KLHL2: variants seen among roughly 807,000 people sequenced by gnomAD.
The protein encoded by KLHL2 is kelch-like protein 2.
Under a neutral mutation model 75.8 loss-of-function variants are expected in KLHL2, and 15 were observed. That is an observed-to-expected ratio of 0.20 (90% confidence interval 0.13 to 0.30). The LOEUF (loss-of-function observed/expected upper bound fraction) is 0.30, where lower values mean the gene tolerates loss of function less well. Ranked by LOEUF, KLHL2 falls within the 10% of genes least tolerant of loss-of-function variation. The pLI is 1.00. For synonymous variants in KLHL2, 214 were observed against 251.9 expected (o/e 0.85, Z 1.42); for missense variants, 381 against 741.0 (o/e 0.51, Z 5.64).
At position 165,322,127 on chromosome 4, in the gene KLHL2, C is replaced by T; in HGVS notation, c.*67C>T. The stretch of plus-strand genomic sequence containing the variant: ...CCTTCAACAAGTATTTGTGAAGTGA[C>T]TGAGAATCTAGCACTTCTCCACTTG... On this transcript the variant is annotated 3_prime_UTR_variant, in exon 15 of 15. Coordinates refer to ENST00000226725, the MANE Select transcript of KLHL2 (RefSeq NM_007246.4). 7 of 1,396,124 alleles carry T rather than the reference C, an allele frequency of 5.0e-6. No individual in the cohort carries two copies. Among genetic ancestry groups the T allele is most frequent in the Non-Finnish European group, 7.1e-6 (7 of 982,010 alleles). 86.5% of individuals were successfully genotyped at this position (1,396,124 alleles called of 1,614,324 possible). A position where few individuals can be genotyped will look rare whatever the true frequency, so the allele number is the denominator to read the frequency against.
intron 4 of KLHL2, among the ~76,000 whole-genome samples, chr4:165,259,635 G>C (rs962917529): frequency 5.9e-5 from 9 of 152,202 alleles, no homozygotes; most frequent in African/African-American, 1.9e-4. Flanking sequence ...AGTGCCTGAT[G>C]TAGTAATTAC....
chr4:165,258,211 C>G (rs1046740824), intron 4 of KLHL2, among the ~76,000 whole-genome samples: 2 of 152,082 alleles, frequency 1.3e-5, no homozygotes, highest in Non-Finnish European at 2.9e-5. Context: ...CTCTTAGATT[C>G]TTAGAAAATA....
chr4:165,250,073 G>A lies in KLHL2; in HGVS notation c.381+11174G>A, dbSNP rs573994620. Among the ~76,000 whole-genome samples, 130 of 151,488 alleles carry A rather than the reference G, an allele frequency of 8.6e-4. No individual in the cohort carries two copies. The Middle Eastern group carries it at 0.01, about 12-fold the overall frequency. ...CAGGAGGCGGAGCTTGCAGTAAGCC[G>A]AGATCACCCCACTGCACTCCAGCCT... On this transcript the variant is annotated intron_variant, in intron 4 of 14. Coordinates refer to ENST00000226725, the MANE Select transcript of KLHL2 (RefSeq NM_007246.4).
At chr4:165,317,319 T>C (rs1746657872) in intron 13 of KLHL2, among the ~76,000 whole-genome samples, 1 of 152,012 alleles carries the variant, frequency 6.6e-6, no homozygotes, top group Non-Finnish European at 1.5e-5. Flanking sequence ...TGACACTCAG[T>C]AGGAGCTTAG....
At chr4:165,304,681 A>G (rs1745592635) in intron 8 of KLHL2, among the ~76,000 whole-genome samples, 1 of 152,252 alleles carries the variant, frequency 6.6e-6, no homozygotes. Flanking sequence ...ATCAGGTTCC[A>G]GGAAGCTTTC....
At chr4:165,314,242 A>G in intron 13 of KLHL2, 76 bp downstream of exon 13, 1 of 1,302,180 alleles carries the variant, frequency 7.7e-7, no homozygotes, top group South Asian at 1.3e-5. Flanking sequence ...CTATCAATGA[A>G]TATCAATGGT....
intron 1 of KLHL2, among the ~76,000 whole-genome samples, chr4:165,219,124 TA>T (rs1737781953): frequency 6.6e-6 from 1 of 152,332 alleles, no homozygotes; most frequent in Admixed American, 6.5e-5. Context: ...CTTGAAAGAA[TA>T]ATTCATGTAG....
At chr4:165,255,547 G>A (rs188929377) in intron 4 of KLHL2, among the ~76,000 whole-genome samples, 19 of 152,166 alleles carry the variant, frequency 1.2e-4, no homozygotes, top group Admixed American at 6.5e-4. Flanking sequence ...GGGCTGGCCC[G>A]GTGCAGAGTT....
chr4:165,261,385 G>T (rs1468000848), intron 4 of KLHL2, among the ~76,000 whole-genome samples: 1 of 152,088 alleles, frequency 6.6e-6, no homozygotes, highest in African/African-American at 2.4e-5. Context: ...CTGTCACCCA[G>T]GCTGGAGTGC....
intron 13 of KLHL2, 128 bp downstream of exon 13, chr4:165,314,294 T>C (rs1746444784): frequency 1.2e-6 from 1 of 822,646 alleles, no homozygotes; most frequent in Non-Finnish European, 1.9e-6. Flanking sequence ...CCTGATAGAC[T>C]CTGAACTCTT....
chr4:165,220,073 A>C lies in KLHL2; in HGVS notation c.152+14A>C, dbSNP rs753327061. The C allele has an allele frequency of 7.6e-5, 122 of 1,594,918 alleles. No homozygotes were observed. Among genetic ancestry groups the C allele is most frequent in the Admixed American group, 5.5e-5 (3 of 54,818 alleles). On this transcript the variant is annotated intron_variant, in intron 2 of 14. Transcript: ENST00000226725. ...CGAATTAAGAAGGTATCATTATACT[A>C]ATGTACATGCAACCATTGGTTTCGT...
At chr4:165,317,693 G>T in intron 13 of KLHL2, 133 bp from the exon 14 acceptor site, 1 of 682,644 alleles carries the variant, frequency 1.5e-6, no homozygotes. Flanking sequence ...TTCTTTTCAT[G>T]CTCACTATTT....
chr4:165,228,721 G>A (rs1738650730), intron 2 of KLHL2, 86 bp from the exon 3 acceptor site: 2 of 746,014 alleles, frequency 2.7e-6, no homozygotes, highest in Non-Finnish European at 4.7e-6. Context: ...GATGAAAGTG[G>A]GCTTTACTGT....
At chr4:165,264,507 A>C (rs1741983937) in intron 5 of KLHL2, among the ~76,000 whole-genome samples, 1 of 151,104 alleles carries the variant, frequency 6.6e-6, no homozygotes, top group East Asian at 2.0e-4. Flanking sequence ...TTAACTTAGA[A>C]TAATGGCCTC....
At chr4:165,224,000 C>T (rs1217354376) in intron 2 of KLHL2, 23 of 441,836 alleles carry the variant, frequency 5.2e-5, no homozygotes, top group African/African-American at 3.1e-4. Flanking sequence ...CTGCAACCTC[C>T]GACTCCTGGG....
At chr4:165,258,318 AT>A (rs201830933) in intron 4 of KLHL2, among the ~76,000 whole-genome samples, 7 of 148,704 alleles carry the variant, frequency 4.7e-5, no homozygotes, top group South Asian at 2.1e-4. Context: ...TTAGGGCAGA[AT>A]TTTTTTTTTC....
chr4:165,207,799 C>G lies in KLHL2; in HGVS notation c.-78C>G. The G allele has an allele frequency of 1.6e-6, 2 of 1,268,744 alleles. No individual in the cohort carries two copies. The highest frequency in any genetic ancestry group is 1.0e-6 in the Non-Finnish European group (1 of 954,032). The allele number at this position is 1,268,744 out of a possible 1,614,324, so 78.6% of individuals were successfully genotyped here. On this transcript the variant is annotated 5_prime_UTR_variant, in exon 1 of 15. Transcript: ENST00000226725. This position sits in a 1 kb window ranked among gnomAD's most constrained non-coding sequence, Gnocchi z 4.2. ...GATGGAACGCGGCTCGGCGGGCGGG[C>G]AGTGCCGGCGTCCGCGGCTGGAATG... is the stretch of plus-strand genomic sequence containing the variant.
At chr4:165,279,667 C>T (rs771462788) in intron 5 of KLHL2, 10 of 1,605,824 alleles carry the variant, frequency 6.2e-6, no homozygotes, top group South Asian at 2.2e-5. Flanking sequence ...CAGGTCCGCC[C>T]GCGTTTGCGG....
intron 6 of KLHL2, 140 bp from the exon 7 acceptor site, chr4:165,297,469 G>T: frequency 1.7e-6 from 1 of 593,214 alleles, no homozygotes; most frequent in Admixed American, 2.8e-5. Flanking sequence ...TGCAAGTCAG[G>T]ATTTTGAAAA....
Sources: gnomAD v4.1 joint callset for allele counts (sites outside exome capture counted in the v4.1 genomes callset) on GRCh38, gnomAD v4.1.1 for gene constraint, Gnocchi (gnomAD v3.1) non-coding constraint, MANE v1.5 for transcripts, NCBI Gene and HGNC (gene_info 2026-07-23, HGNC 2026-07-21) for gene names.